The following CHAF1B variants were observed in gnomAD, a reference collection of about 807,000 sequenced individuals.
CHAF1B encodes chromatin assembly factor 1 subunit B, also known as CAF-1 subunit B.
In CHAF1B, 10 loss-of-function variants were observed where a neutral mutation model predicts 60.7. That is an observed-to-expected ratio of 0.16 (90% CI 0.10 to 0.28). The LOEUF (loss-of-function observed/expected upper bound fraction) is 0.28, where lower values mean the gene tolerates loss of function less well. Ranked by LOEUF, CHAF1B falls within the 10% of genes least tolerant of loss-of-function variation. The probability of loss-of-function intolerance (pLI) is 1.00; values close to 1 mark genes in which losing one functional copy is unlikely to be tolerated. For missense variants in CHAF1B, 558 were observed against 708.4 expected (o/e 0.79, Z 2.41); for synonymous variants, 261 against 266.1 (o/e 0.98, Z 0.19).
intron 8 of CHAF1B, among the ~76,000 whole-genome samples, chr21:36,405,045 CCA>C (rs2086226881): frequency 4.0e-5 from 1 of 25,100 alleles, no homozygotes; most frequent in African/African-American, 5.7e-5. Context: ...GCCACTGCGC[CCA>C]GCCCCAGTAG....
chr21:36,418,830 C>A lies in CHAF1B; in HGVS notation c.*2464C>A, dbSNP rs1440960252. 4.9e-5 allele frequency: 7 copies of A among 143,598 alleles called. No individual in the cohort carries two copies. The highest frequency in any genetic ancestry group is 1.0e-4 in the Non-Finnish European group (7 of 67,178). The allele number at this position is 143,598 out of a possible 1,614,324, so 8.9% of individuals were successfully genotyped here. ...TGCCACTGTACTCCAGCCTGGGCGA[C>A]AGAGCGAGACTCTGTCTCAAAAAAA... On this transcript the variant is annotated 3_prime_UTR_variant, in exon 14 of 14. Coordinates refer to ENST00000314103, the MANE Select transcript of CHAF1B (RefSeq NM_005441.3).
intron 5 of CHAF1B, 74 bp from the exon 6 acceptor site, chr21:36,397,341 T>C (rs1317486991): frequency 3.2e-6 from 2 of 629,298 alleles, no homozygotes; most frequent in East Asian, 2.8e-5. Context: ...ATTTAAGTCA[T>C]AGTTTATACT....
chr21:36,397,484 A>G lies in CHAF1B; in HGVS notation c.551A>G (p.Gln184Arg). ...VQGVTWDPLG[Q>R]YVATLSCDRV... ...GGAGTAACCTGGGACCCTTTGGGTC[A>G]ATATGTTGCTACTCTGAGCTGTGAC... Residue 184 changes from glutamine to arginine, a missense_variant, in exon 6 of 14, where the codon CAA (glutamine) becomes CGA (arginine). Physicochemically the swap from Gln to Arg is conservative, Grantham distance 43 (BLOSUM62 1). Around this residue, in one of 2 missense-constraint regions of CHAF1B, gnomAD observed 325 missense variants for 493.5 expected, o/e 0.66. Transcript: ENST00000314103. 1 of 1,561,524 alleles carries G rather than the reference A, an allele frequency of 6.4e-7. No individual in the cohort carries two copies. The highest frequency in any genetic ancestry group is 8.7e-7 in the Non-Finnish European group (1 of 1,143,414).
chr21:36,416,179 C>A, intron 13 of CHAF1B, 96 bp from the exon 14 acceptor site: 1 of 1,052,848 alleles, frequency 9.5e-7, no homozygotes, highest in African/African-American at 1.6e-5. Context: ...CCAGGCAGCT[C>A]AGTTCCGTGT....
chr21:36,391,246 T>G (rs1175977263), intron 3 of CHAF1B, among the ~76,000 whole-genome samples: 1 of 152,150 alleles, frequency 6.6e-6, no homozygotes, highest in Non-Finnish European at 1.5e-5. Flanking sequence ...TTGCCTACTT[T>G]CCCTGTTGAA....
At chr21:36,394,716 C>A in intron 5 of CHAF1B, 66 bp downstream of exon 5, 43 of 971,442 alleles carry the variant, frequency 4.4e-5, no homozygotes, top group Non-Finnish European at 5.7e-5. Flanking sequence ...GCCTAAAAGT[C>A]TAACTTGCTT....
Position 36,387,618 on chromosome 21 carries a change from A to G in CHAF1B, c.147A>G (p.Gly49=). ...TNVRIWKVEK[G]PDGKAIVEFL... is the part of the protein sequence containing the mutation. ...GACAGATCTGGAAGGTAGAAAAGGGACCAGATGGAAAAGCCATCGTGGAAT... is the reference window on the plus strand; with the variant it reads ...GACAGATCTGGAAGGTAGAAAAGGGGCCAGATGGAAAAGCCATCGTGGAAT... The change falls in exon 3 of 14, where the codon GGA becomes GGG. Residue 49 remains glycine (G), a synonymous_variant. Coordinates refer to ENST00000314103, the MANE Select transcript of CHAF1B (RefSeq NM_005441.3). 6.2e-7 allele frequency: 1 copy of G among 1,614,168 alleles called. No homozygotes were observed. Among genetic ancestry groups the G allele is most frequent in the Non-Finnish European group, 8.5e-7 (1 of 1,180,030 alleles).
intron 8 of CHAF1B, among the ~76,000 whole-genome samples, chr21:36,404,687 G>T (rs1200096915): frequency 6.8e-6 from 1 of 146,436 alleles, no homozygotes; most frequent in Non-Finnish European, 1.5e-5. Context: ...GCCCACCTTG[G>T]CCTCCCAAAG....
intron 8 of CHAF1B, among the ~76,000 whole-genome samples, chr21:36,406,346 C>T (rs956001185): frequency 6.6e-6 from 1 of 152,146 alleles, no homozygotes; most frequent in Non-Finnish European, 1.5e-5. Context: ...AGAGCATTGG[C>T]GTGATCTTGG....
intron 6 of CHAF1B, among the ~76,000 whole-genome samples, chr21:36,399,036 ATTTT>A (rs201186457): frequency 1.4e-5 from 2 of 138,462 alleles, no homozygotes; most frequent in Non-Finnish European, 1.6e-5. Context: ...TGACTTACCA[ATTTT>A]TTTTTTTTTT....
Position 36,386,262 on chromosome 21 carries a change from G to A in CHAF1B, c.126G>A (p.Arg42=). The stretch of plus-strand genomic sequence containing the variant: ...CTGCCGGCGTGGACACCAATGTCAG[G>A]GTAAACTGGGGCAGAGATAGACATC... ...LASAGVDTNV[R]IWKVEKGPDG... The change falls in exon 2 of 14, where the codon AGG becomes AGA. Residue 42 remains arginine (R), a splice_region_variant and synonymous_variant. Transcript: ENST00000314103. 1 of 1,613,726 alleles carries A rather than the reference G, an allele frequency of 6.2e-7. No individual in the cohort carries two copies. The highest frequency in any genetic ancestry group is 8.5e-7 in the Non-Finnish European group (1 of 1,179,858).
intron 7 of CHAF1B, among the ~76,000 whole-genome samples, 200 bp from the exon 8 acceptor site, chr21:36,402,558 A>T (rs981050614): frequency 1.3e-5 from 2 of 152,240 alleles, no homozygotes; most frequent in African/African-American, 4.8e-5. Context: ...GCAGTGTTGT[A>T]CAATTATTTG....
intron 4 of CHAF1B, among the ~76,000 whole-genome samples, chr21:36,394,080 ATT>A (rs773818038): frequency 4.0e-5 from 5 of 124,920 alleles, no homozygotes; most frequent in Non-Finnish European, 1.7e-5. Context: ...TTTTTGGCTA[ATT>A]TTTTTTTTTT....
Position 36,416,763 on chromosome 21 carries a change from A to G in CHAF1B, c.*397A>G, listed in dbSNP as rs1699496302. The G allele has an allele frequency of 6.4e-6, 1 of 156,824 alleles. No individual in the cohort carries two copies. The highest frequency in any genetic ancestry group is 6.4e-5 in the Admixed American group (1 of 15,724). The allele number at this position is 156,824 out of a possible 1,614,324, so 9.7% of individuals were successfully genotyped here. A position where few individuals can be genotyped will look rare whatever the true frequency, so the allele number is the denominator to read the frequency against. ...TTGAGATTTTACTCTGTCGAATTTT[A>G]GAGTATTTGAAGTGATTGTTAGATT... On this transcript the variant is annotated 3_prime_UTR_variant, in exon 14 of 14. Coordinates refer to ENST00000314103, the MANE Select transcript of CHAF1B (RefSeq NM_005441.3).
At chr21:36,389,990 T>C (rs913874964) in intron 3 of CHAF1B, among the ~76,000 whole-genome samples, 1 of 152,086 alleles carries the variant, frequency 6.6e-6, no homozygotes, top group Non-Finnish European at 1.5e-5. Flanking sequence ...AATGGCATGT[T>C]AACCAAGCTC....
Position 36,415,407 on chromosome 21 carries a change from T to C in CHAF1B, c.1588+18T>C. 7.1e-7 allele frequency: 1 copy of C among 1,400,584 alleles called. No homozygotes were observed. Among genetic ancestry groups the C allele is most frequent in the South Asian group, 1.2e-5 (1 of 84,544 alleles). The allele number at this position is 1,400,584 out of a possible 1,614,324, so 86.8% of individuals were successfully genotyped here. ...TCAGTCAGGTAAGTAATATTGTTAC[T>C]GGTTTAATATAATGAAAGGTAGAGT... On this transcript the variant is annotated intron_variant, in intron 13 of 13. Coordinates refer to ENST00000314103, the MANE Select transcript of CHAF1B (RefSeq NM_005441.3).
At chr21:36,413,833 T>C (rs1601570308) in intron 12 of CHAF1B, among the ~76,000 whole-genome samples, 3 of 152,208 alleles carry the variant, frequency 2.0e-5, no homozygotes, top group Non-Finnish European at 4.4e-5. Context: ...AGCAGGTGCT[T>C]TGATGCTCCA....
intron 8 of CHAF1B, among the ~76,000 whole-genome samples, chr21:36,403,142 G>T (rs2086205475): frequency 6.6e-6 from 1 of 152,092 alleles, no homozygotes; most frequent in African/African-American, 2.4e-5. Flanking sequence ...AGTTTAAAAT[G>T]ATAGGCATTT....
At chr21:36,411,116 CTT>C (rs35488336) in intron 10 of CHAF1B, among the ~76,000 whole-genome samples, 3,724 of 126,732 alleles carry the variant, frequency 0.029, 77 homozygotes, top group African/African-American at 0.073. Context: ...TATAAATATT[CTT>C]TTTTTTTTTT....
Sources: gnomAD v4.1 joint callset for allele counts (sites outside exome capture counted in the v4.1 genomes callset) on GRCh38, gnomAD v4.1.1 for gene constraint, gnomAD v4.1.1 regional missense constraint, MANE v1.5 for transcripts, NCBI Gene and HGNC (gene_info 2026-07-23, HGNC 2026-07-21) for gene names.